Variants in KCNS3 observed in about 807,000 individuals in gnomAD.
KCNS3 encodes the protein potassium voltage-gated channel modifier subfamily S member 3.
KCNS3 carries 13 observed loss-of-function variants against 31.0 expected under a neutral mutation model. The observed-to-expected ratio is 0.42, with a 90% confidence interval of 0.27 to 0.67. KCNS3 has a LOEUF of 0.67. Among genes scored for constraint, KCNS3 ranks in the 30% least tolerant of loss-of-function variants. The pLI, the probability that KCNS3 is intolerant of heterozygous loss-of-function variation, is 0.25. For synonymous variants in KCNS3, 238 were observed against 241.5 expected, an observed-to-expected ratio of 0.99 and a Z score of 0.13; for missense variants, 545 against 622.4, an observed-to-expected ratio of 0.88 and a Z score of 1.32.
chr2:17,931,449 A>G lies in KCNS3; in HGVS notation c.441A>G (p.Glu147=). The change falls in exon 3 of 3, where the codon GAA becomes GAG. Residue 147 remains glutamate, a synonymous_variant. Transcript: ENST00000304101. The surrounding 1 kb of genome is among the most constrained non-coding windows in gnomAD (Gnocchi z 5.4). ...ATGTGAGTACCGACTCCTCGTTTGAAGAGTCGTCTCTGTTTGAGAAAGAGC... is the reference window on the plus strand; with the variant it reads ...ATGTGAGTACCGACTCCTCGTTTGAGGAGTCGTCTCTGTTTGAGAAAGAGC... ...SHDVSTDSSF[E]ESSLFEKELE... is the part of the protein sequence containing the mutation. 2 of 1,614,160 alleles carry G rather than the reference A, an allele frequency of 1.2e-6. No individual in the cohort carries two copies. Among genetic ancestry groups the G allele is most frequent in the Non-Finnish European group, 1.7e-6 (2 of 1,180,030 alleles).
chr2:17,905,850 G>A (rs1662301320), intron 1 of KCNS3, among the ~76,000 whole-genome samples: 1 of 152,112 alleles, frequency 6.6e-6, no homozygotes, highest in Non-Finnish European at 1.5e-5. Context: ...ATGTGCTGCT[G>A]GATTTGGTTT....
intron 2 of KCNS3, among the ~76,000 whole-genome samples, chr2:17,922,439 G>C (rs1273841303): frequency 6.6e-6 from 1 of 152,062 alleles, no homozygotes; most frequent in East Asian, 1.9e-4. Context: ...AAACTCCTGG[G>C]CTCAAGTGAT....
chr2:17,878,396 C>A (rs1003468892), upstream of KCNS3, among the ~76,000 whole-genome samples: 7 of 151,916 alleles, frequency 4.6e-5, no homozygotes, highest in African/African-American at 1.7e-4. Flanking sequence ...TCCGGGGTGA[C>A]TCTGCACTTG....
At chr2:17,881,362 G>A (rs907119949) in intron 1 of KCNS3, among the ~76,000 whole-genome samples, 12 of 152,200 alleles carry the variant, frequency 7.9e-5, no homozygotes, top group African/African-American at 2.9e-4. Flanking sequence ...ATAGAGAAGA[G>A]AATAGGATGT....
chr2:17,886,465 A>G (rs902007512), intron 1 of KCNS3, among the ~76,000 whole-genome samples: 2 of 152,048 alleles, frequency 1.3e-5, no homozygotes, highest in African/African-American at 4.8e-5. Context: ...GTGGGTTTTT[A>G]AGATCTGAGT....
At chr2:17,921,550 A>G (rs766097070) in intron 2 of KCNS3, among the ~76,000 whole-genome samples, 1 of 152,168 alleles carries the variant, frequency 6.6e-6, no homozygotes, top group Non-Finnish European at 1.5e-5. Flanking sequence ...AGACTGAATA[A>G]TTTATAAGGG....
At chr2:17,911,022 C>G (rs570739594) in intron 1 of KCNS3, among the ~76,000 whole-genome samples, 17 of 152,222 alleles carry the variant, frequency 1.1e-4, no homozygotes, top group African/African-American at 4.1e-4. Flanking sequence ...GCCTTCTTAC[C>G]CTTACCTGGC....
chr2:17,909,175 G>A (rs1662412703), intron 1 of KCNS3, among the ~76,000 whole-genome samples: 1 of 152,288 alleles, frequency 6.6e-6, no homozygotes, highest in South Asian at 2.1e-4. Context: ...CCCTCCCCCA[G>A]CCTCGCTGCC....
intron 2 of KCNS3, among the ~76,000 whole-genome samples, 173 bp from the exon 3 acceptor site, chr2:17,930,777 A>T (rs1337169519): frequency 1.3e-5 from 2 of 152,092 alleles, no homozygotes; most frequent in African/African-American, 4.8e-5. Context: ...TTTGGGAAAA[A>T]TCTGTTTTGT....
intron 1 of KCNS3, among the ~76,000 whole-genome samples, chr2:17,902,826 A>G (rs991465953): frequency 5.3e-5 from 8 of 152,172 alleles, no homozygotes; most frequent in African/African-American, 1.9e-4. Context: ...CATCACTTCT[A>G]TTACAATCTG....
Position 17,932,779 on chromosome 2 carries a change from T to C in KCNS3, c.*295T>C. On this transcript the variant is annotated 3_prime_UTR_variant, in exon 3 of 3. Transcript: ENST00000304101. Reference sequence around the variant, plus strand: ...TGTGGCTACAGCTTATGCATCATTCTGTGTTTGTCATTTACTCACATTGAG... The same window carrying C: ...TGTGGCTACAGCTTATGCATCATTCCGTGTTTGTCATTTACTCACATTGAG... 1 of 270,750 alleles carries C rather than the reference T, an allele frequency of 3.7e-6. No individual in the cohort carries two copies. Among genetic ancestry groups the C allele is most frequent in the Non-Finnish European group, 7.4e-6 (1 of 135,720 alleles). The allele number at this position is 270,750 out of a possible 1,614,324, so 16.8% of individuals were successfully genotyped here.
intron 1 of KCNS3, among the ~76,000 whole-genome samples, chr2:17,895,477 C>T (rs1662003566): frequency 6.6e-6 from 1 of 152,122 alleles, no homozygotes; most frequent in South Asian, 2.1e-4. Context: ...CCTAAGAAAG[C>T]CAATATGGTG....
At chr2:17,880,545 T>G (rs1265886371) in intron 1 of KCNS3, among the ~76,000 whole-genome samples, 1 of 152,204 alleles carries the variant, frequency 6.6e-6, no homozygotes, top group African/African-American at 2.4e-5. Context: ...CCAAAGCATG[T>G]TGTGAATATA....
intron 2 of KCNS3, among the ~76,000 whole-genome samples, chr2:17,922,133 T>C (rs1022156125): frequency 6.6e-6 from 1 of 151,080 alleles, no homozygotes; most frequent in Admixed American, 6.6e-5. Context: ...CATATTCCTC[T>C]AAAATATTTA....
chr2:17,930,857 A>T (rs1166294351), intron 2 of KCNS3, 93 bp from the exon 3 acceptor site: 1 of 725,760 alleles, frequency 1.4e-6, no homozygotes, highest in Non-Finnish European at 2.2e-6. Context: ...TTTGCTTTTA[A>T]TGTAGCCCAT....
intron 1 of KCNS3, among the ~76,000 whole-genome samples, chr2:17,901,129 A>G (rs1307276716): frequency 6.6e-6 from 1 of 152,204 alleles, no homozygotes; most frequent in Non-Finnish European, 1.5e-5. Flanking sequence ...CGAAAGAGCC[A>G]TGTGGGGACT....
At chr2:17,925,330 A>T (rs1039477361) in intron 2 of KCNS3, among the ~76,000 whole-genome samples, 2 of 152,186 alleles carry the variant, frequency 1.3e-5, no homozygotes, top group Admixed American at 1.3e-4. Context: ...TTTACTGTCT[A>T]TTCTCTCTGA....
intron 1 of KCNS3, among the ~76,000 whole-genome samples, chr2:17,884,255 TTA>T (rs1491392545): frequency 5.9e-5 from 1 of 17,082 alleles, no homozygotes; most frequent in African/African-American, 2.7e-4. Context: ...TAAAGTATAA[TTA>T]AAAAAAAAAA....
At chr2:17,888,866 C>T (rs1661770010) in intron 1 of KCNS3, among the ~76,000 whole-genome samples, 1 of 151,436 alleles carries the variant, frequency 6.6e-6, no homozygotes, top group African/African-American at 2.4e-5. Flanking sequence ...AGTGTGATGC[C>T]TCCAGATTTG....
Sources: gnomAD v4.1 joint callset for allele counts (sites outside exome capture counted in the v4.1 genomes callset) on GRCh38, gnomAD v4.1.1 for gene constraint, Gnocchi (gnomAD v3.1) non-coding constraint, MANE v1.5 for transcripts, NCBI Gene and HGNC (gene_info 2026-07-23, HGNC 2026-07-21) for gene names.